AGBL4: variants seen among roughly 807,000 people sequenced by gnomAD.
AGBL4 encodes cytosolic carboxypeptidase 6.
AGBL4 carries 58 observed loss-of-function variants against 66.4 expected under a neutral mutation model. The ratio of observed to expected loss-of-function variants is 0.87; its 90% CI spans 0.71 to 1.09. The LOEUF is 1.09. AGBL4 is among the 50% of genes least tolerant of loss of function. The pLI is 0.00. For missense variants in AGBL4, 579 were observed against 631.0 expected, an observed-to-expected ratio of 0.92 and a Z score of 0.88; for synonymous variants, 234 against 222.9, an observed-to-expected ratio of 1.05 and a Z score of -0.44.
chr1:48,653,033 C>T (rs1395413181), intron 8 of AGBL4, among the ~76,000 whole-genome samples: 1 of 151,986 alleles, frequency 6.6e-6, no homozygotes, highest in South Asian at 2.1e-4. Context: ...GAAACTGAGC[C>T]CAGAGAGGGA....
At chr1:49,130,900 CATTA>C (rs1645879416) in intron 4 of AGBL4, among the ~76,000 whole-genome samples, 3 of 152,040 alleles carry the variant, frequency 2.0e-5, no homozygotes, top group South Asian at 2.1e-4. Context: ...CTATATAATT[CATTA>C]ATTAATTCCT....
chr1:48,985,485 C>T (rs1660112345), intron 5 of AGBL4, among the ~76,000 whole-genome samples: 1 of 152,234 alleles, frequency 6.6e-6, no homozygotes, highest in African/African-American at 2.4e-5. Flanking sequence ...GGTACTCACA[C>T]AGGGCTAAGA....
chr1:48,832,748 G>A (rs1182596838), intron 6 of AGBL4, among the ~76,000 whole-genome samples: 4 of 152,252 alleles, frequency 2.6e-5, no homozygotes, highest in South Asian at 2.1e-4. Context: ...TCTGGTGTGG[G>A]TGAGCCTCAT....
At chr1:48,948,986 T>G (rs1301579232) in intron 5 of AGBL4, among the ~76,000 whole-genome samples, 1 of 152,262 alleles carries the variant, frequency 6.6e-6, no homozygotes, top group African/African-American at 2.4e-5. Context: ...AGTGGACGTT[T>G]CATCTGAGGA....
chr1:49,422,143 G>C (rs77609179), intron 3 of AGBL4, among the ~76,000 whole-genome samples: 2 of 152,116 alleles, frequency 1.3e-5, no homozygotes, highest in Non-Finnish European at 2.9e-5. Flanking sequence ...GACTTTTTTA[G>C]ACCAATTTCA....
intron 6 of AGBL4, among the ~76,000 whole-genome samples, chr1:48,787,443 A>G (rs963769413): frequency 3.3e-5 from 5 of 152,210 alleles, no homozygotes; most frequent in Non-Finnish European, 4.4e-5. Flanking sequence ...TCCACAGGAT[A>G]AAGATGGCTT....
rs752222831 is a variant in AGBL4 at position 48,614,526 on chromosome 1, G to A, written c.951+19967C>T. Reference sequence around the variant, plus strand: ...AAGGTGATCTTGAGAATCAAATGAGGATAATCTAGAGAAGGTGCCTGCACA... The same window carrying A: ...AAGGTGATCTTGAGAATCAAATGAGAATAATCTAGAGAAGGTGCCTGCACA... On this transcript the variant is annotated intron_variant, in intron 9 of 13. Coordinates refer to ENST00000371839, the MANE Select transcript of AGBL4 (RefSeq NM_032785.4). Among the ~76,000 whole-genome samples, 54 of 152,334 alleles carry A rather than the reference G, an allele frequency of 3.5e-4. 1 individual carries two copies. The highest frequency in any genetic ancestry group is 6.8e-3 in the Middle Eastern group (2 of 294).
rs1361297473 is a variant in AGBL4 at position 48,856,396 on chromosome 1, G to A, written c.634+10795C>T. ...AGAATTCGATTTTGTATTGTGCTAA[G>A]GTTGTGGGATTAGGAGTAATTTATT... On this transcript the variant is annotated intron_variant, in intron 6 of 13. Coordinates refer to ENST00000371839, the MANE Select transcript of AGBL4 (RefSeq NM_032785.4). Among the ~76,000 whole-genome samples the A allele has an allele frequency of 2.0e-5, 3 of 152,304 alleles. No homozygotes were observed. The East Asian group carries it at 5.8e-4, about 29-fold the overall frequency.
intron 3 of AGBL4, among the ~76,000 whole-genome samples, chr1:49,317,558 A>G (rs1427535490): frequency 6.6e-6 from 1 of 151,862 alleles, no homozygotes; most frequent in African/African-American, 2.4e-5. Context: ...GAGGTAGGAA[A>G]TAGGCTTAGA....
chr1:49,938,211 C>T (rs1488657646), intron 1 of AGBL4, among the ~76,000 whole-genome samples: 10 of 152,094 alleles, frequency 6.6e-5, no homozygotes, highest in African/African-American at 2.2e-4. Context: ...GAGAATACTA[C>T]AAACAACTCT....
intron 1 of AGBL4, among the ~76,000 whole-genome samples, chr1:49,994,136 A>G (rs1660174188): frequency 6.6e-6 from 1 of 152,162 alleles, no homozygotes; most frequent in African/African-American, 2.4e-5. Flanking sequence ...CATCACAAAA[A>G]CAGAAGAAGC....
In AGBL4 at chr1:49,510,507, C is replaced by T. The variant is rs1181450038; in HGVS notation, c.282+186806G>A. On this transcript the variant is annotated intron_variant, in intron 3 of 13. Coordinates refer to ENST00000371839, the MANE Select transcript of AGBL4 (RefSeq NM_032785.4). ...AGCCCTTTGTCAGATGAGTAGGTTG[C>T]AAAAATTTTCTCCCATGTTGTAGGT... Among the ~76,000 whole-genome samples the T allele has an allele frequency of 1.0e-4, 15 of 150,394 alleles. No homozygotes were observed. In the East Asian group the frequency reaches 2.8e-3, roughly 28 times the overall value.
intron 3 of AGBL4, among the ~76,000 whole-genome samples, chr1:49,687,787 A>T (rs1646814513): frequency 6.6e-6 from 1 of 152,102 alleles, no homozygotes; most frequent in Non-Finnish European, 1.5e-5. Flanking sequence ...AAAAATAAAA[A>T]AAAAATTAAA....
intron 5 of AGBL4, among the ~76,000 whole-genome samples, chr1:49,010,959 C>T (rs1662352492): frequency 6.6e-6 from 1 of 152,230 alleles, no homozygotes. Flanking sequence ...CCATTCAGGA[C>T]ATAGGCATGG....
At chr1:49,290,843 T>C (rs1019480713) in intron 3 of AGBL4, among the ~76,000 whole-genome samples, 13 of 152,222 alleles carry the variant, frequency 8.5e-5, no homozygotes, top group Non-Finnish European at 1.6e-4. Context: ...ACAAAAAATA[T>C]AAATTAATTA....
chr1:49,008,553 C>T (rs1662062912), intron 5 of AGBL4, among the ~76,000 whole-genome samples: 1 of 148,582 alleles, frequency 6.7e-6, no homozygotes, highest in Non-Finnish European at 1.5e-5. Context: ...GAACTCTCCA[C>T]CACAAATCAA....
chr1:48,575,942 G>A (rs1644646865), intron 11 of AGBL4, among the ~76,000 whole-genome samples: 1 of 152,156 alleles, frequency 6.6e-6, no homozygotes, highest in African/African-American at 2.4e-5. Context: ...TTGGATTCCA[G>A]ACCCTCCCTG....
At chr1:49,722,374 T>C (rs985347510) in intron 2 of AGBL4, among the ~76,000 whole-genome samples, 4 of 152,294 alleles carry the variant, frequency 2.6e-5, no homozygotes, top group East Asian at 1.9e-4. Context: ...TTCTTTAGCA[T>C]TAACAAATGG....
intron 3 of AGBL4, among the ~76,000 whole-genome samples, chr1:49,485,084 T>A (rs1647036148): frequency 6.6e-6 from 1 of 151,900 alleles, no homozygotes; most frequent in African/African-American, 2.4e-5. Context: ...AAATACCATT[T>A]GACCCAGCCA....
Sources: gnomAD v4.1 joint callset for allele counts (sites outside exome capture counted in the v4.1 genomes callset) on GRCh38, gnomAD v4.1.1 for gene constraint, MANE v1.5 for transcripts, NCBI Gene and HGNC (gene_info 2026-07-23, HGNC 2026-07-21) for gene names.